The following KLHL1 variants were observed in gnomAD, a reference collection of about 807,000 sequenced individuals.
The protein encoded by KLHL1 is kelch-like protein 1.
KLHL1 carries 47 observed loss-of-function variants against 77.7 expected under a neutral mutation model. The observed-to-expected ratio is 0.60, with a 90% CI of 0.48 to 0.77. The LOEUF (loss-of-function observed/expected upper bound fraction) is 0.77, where lower values mean the gene tolerates loss of function less well. KLHL1 is among the 30% of genes least tolerant of loss of function. The pLI is 0.00. For missense variants in KLHL1, 925 were observed against 910.8 expected, an observed-to-expected ratio of 1.02 and a Z score of -0.20; for synonymous variants, 360 against 325.2, an observed-to-expected ratio of 1.11 and a Z score of -1.15.
intron 1 of KLHL1, among the ~76,000 whole-genome samples, chr13:69,978,895 C>A (rs1159373649): frequency 6.6e-6 from 1 of 151,546 alleles, no homozygotes; most frequent in Non-Finnish European, 1.5e-5. Flanking sequence ...GGTGGGTGTA[C>A]TATTAAAGAA....
chr13:69,830,534 C>T (rs1414311354), intron 6 of KLHL1, among the ~76,000 whole-genome samples: 4 of 149,850 alleles, frequency 2.7e-5, no homozygotes, highest in South Asian at 2.1e-4. Flanking sequence ...AGCACTAGAC[C>T]GTCATCAAGA....
rs2501219 is a variant in KLHL1 at position 69,952,011 on chromosome 13, T to C, written c.817+9297A>G. 6.5e-3 allele frequency among the ~76,000 whole-genome samples: 989 copies of C among 151,556 alleles called. 15 individuals carry two copies. Among genetic ancestry groups the C allele is most frequent in the African/African-American group, 0.023 (942 of 41,480 alleles). Reference sequence around the variant, plus strand: ...ATTATGTGACTGTTATTTCCCCTCTTGGATAGTGCACTTTGAAGCCATCTT... The same window carrying C: ...ATTATGTGACTGTTATTTCCCCTCTCGGATAGTGCACTTTGAAGCCATCTT... On this transcript the variant is annotated intron_variant, in intron 3 of 10. Coordinates refer to ENST00000377844, the MANE Select transcript of KLHL1 (RefSeq NM_020866.3).
chr13:69,903,528 A>T (rs1881942378), intron 4 of KLHL1, among the ~76,000 whole-genome samples: 1 of 148,650 alleles, frequency 6.7e-6, no homozygotes. Flanking sequence ...TCTAGAAAGC[A>T]CTTTCTTTTA....
At chr13:69,895,054 G>A (rs1881580984) in intron 4 of KLHL1, 13 of 494,544 alleles carry the variant, frequency 2.6e-5, no homozygotes, top group Middle Eastern at 7.7e-4. Flanking sequence ...TGATGTCAGA[G>A]TCTCCTTCAG....
At chr13:69,983,302 T>C (rs954603363) in intron 1 of KLHL1, among the ~76,000 whole-genome samples, 8 of 152,154 alleles carry the variant, frequency 5.3e-5, no homozygotes, top group Non-Finnish European at 1.0e-4. Context: ...ATAAAATCAC[T>C]ATCAAAATAC....
At chr13:69,842,295 G>C (rs879410117) in intron 5 of KLHL1, among the ~76,000 whole-genome samples, 11 of 151,652 alleles carry the variant, frequency 7.3e-5, no homozygotes, top group Non-Finnish European at 1.5e-4. Context: ...AATTATTTAT[G>C]CAAGAGAGGA....
rs770272210 is a variant in KLHL1 at position 69,961,384 on chromosome 13, T to G, written c.741A>C (p.Glu247Asp). 6.2e-7 allele frequency: 1 copy of G among 1,613,144 alleles called. No individual in the cohort carries two copies. Among genetic ancestry groups the G allele is most frequent in the Non-Finnish European group, 8.5e-7 (1 of 1,179,428 alleles). The change falls in exon 3 of 11, where the codon GAA (glutamate) becomes GAC (aspartate). Residue 247 changes from glutamate to aspartate, a missense_variant. Physicochemically the swap from Glu to Asp is conservative, Grantham distance 45. Transcript: ENST00000377844. ...CCATTTTGATCTCCTCTTGCTTGGCTTCACAAACATCACTTGTAAACATGG... is the reference window on the plus strand; with the variant it reads ...CCATTTTGATCTCCTCTTGCTTGGCGTCACAAACATCACTTGTAAACATGG... ...FAAMFTSDVC[E>D]AKQEEIKMEG...
intron 1 of KLHL1, among the ~76,000 whole-genome samples, chr13:69,992,249 T>TGCC (rs1435696940): frequency 4.6e-5 from 7 of 152,026 alleles, no homozygotes. Context: ...ATGTATTGAG[T>TGCC]GCCTACTCTC....
rs187139702 is a variant in KLHL1, at chr13:69,809,901, C to A, written c.1415-12939G>T. On this transcript the variant is annotated intron_variant, in intron 6 of 10. Transcript: ENST00000377844. ...AAAAAAAAAAAGCAGGATCACTATT[C>A]GTTTATCAGATAAAATAGAGTTTAA... Among the ~76,000 whole-genome samples, 239 of 151,440 alleles carry A rather than the reference C, an allele frequency of 1.6e-3. 2 individuals are homozygous for A. Among genetic ancestry groups the A allele is most frequent in the Non-Finnish European group, 1.0e-3 (70 of 67,844 alleles).
intron 7 of KLHL1, among the ~76,000 whole-genome samples, chr13:69,751,990 C>A (rs950306759): frequency 2.6e-5 from 4 of 152,088 alleles, no homozygotes; most frequent in African/African-American, 4.8e-5. Flanking sequence ...TACAACCTGG[C>A]AATGTGACCT....
At chr13:69,931,881 A>G (rs1354624037) in intron 4 of KLHL1, among the ~76,000 whole-genome samples, 1 of 151,798 alleles carries the variant, frequency 6.6e-6, no homozygotes, top group Non-Finnish European at 1.5e-5. Flanking sequence ...TTTAATCATC[A>G]TGGATGCATC....
rs1448207906 is a variant in KLHL1, at chr13:70,086,602, GAAAGAAAGAAAGAAAGAAAGAAAGA to G, written c.497+20576_497+20600del. Reference sequence around the variant, plus strand: ...AAAAAAAAAAAAAAAAAGAAAGAAAGAAAGAAAGAAAGAAAGAAAGAAAGAAAGAAAAAAGAAAAAGAAAACAAGA... The same window carrying G: ...AAAAAAAAAAAAAAAAAGAAAGAAAGAAGAAAAAAGAAAAAGAAAACAAGA... On this transcript the variant is annotated intron_variant, in intron 1 of 10. Coordinates refer to ENST00000377844, the MANE Select transcript of KLHL1 (RefSeq NM_020866.3). 2.5e-3 allele frequency among the ~76,000 whole-genome samples: 94 copies of G among 37,914 alleles called. 3 individuals are homozygous for G. Among genetic ancestry groups the G allele is most frequent in the African/African-American group, 7.7e-3 (85 of 11,096 alleles). The allele number at this position is 37,914 out of a possible 152,430, so 24.9% of individuals were successfully genotyped here.
rs144734196 is a variant in KLHL1, at chr13:69,720,556, A to C, written c.1803-975T>G. Among the ~76,000 whole-genome samples the C allele has an allele frequency of 7.8e-3, 1,181 of 152,214 alleles. 13 individuals are homozygous for C. Among genetic ancestry groups the C allele is most frequent in the African/African-American group, 0.027 (1,120 of 41,568 alleles). On this transcript the variant is annotated intron_variant, in intron 8 of 10. Coordinates refer to ENST00000377844, the MANE Select transcript of KLHL1 (RefSeq NM_020866.3). ...TCATTTACTACTGGGGAAGGTTCAA[A>C]GTGCAAGGGACATAGAATCCAGAAG...
At chr13:69,924,494 T>C (rs565715642) in intron 4 of KLHL1, among the ~76,000 whole-genome samples, 66 of 152,272 alleles carry the variant, frequency 4.3e-4, no homozygotes, top group African/African-American at 1.4e-3. Flanking sequence ...TGAACACTCA[T>C]TGGGACACCC....
chr13:70,066,417 A>G (rs1887006456), intron 1 of KLHL1, among the ~76,000 whole-genome samples: 1 of 152,218 alleles, frequency 6.6e-6, no homozygotes, highest in Non-Finnish European at 1.5e-5. Flanking sequence ...TGTAGAGTGC[A>G]AATAGAATAA....
intron 10 of KLHL1, 111 bp from the exon 11 acceptor site, chr13:69,701,872 C>G (rs1875411196): frequency 1.3e-6 from 1 of 762,892 alleles, no homozygotes; most frequent in African/African-American, 1.8e-5. Flanking sequence ...GCTTGTTTTC[C>G]CATTTTAGCC....
At chr13:69,979,789 T>C (rs1884656113) in intron 1 of KLHL1, among the ~76,000 whole-genome samples, 1 of 152,220 alleles carries the variant, frequency 6.6e-6, no homozygotes, top group Admixed American at 6.5e-5. Context: ...AAGACATGTT[T>C]AAGTCTTCTC....
chr13:69,956,137 GAT>G (rs1163862940), intron 3 of KLHL1, among the ~76,000 whole-genome samples: 8 of 134,770 alleles, frequency 5.9e-5, no homozygotes, highest in Admixed American at 5.4e-4. Context: ...TGATATATAT[GAT>G]ATATATATTT....
At chr13:69,756,732 G>A (rs1192983523) in intron 7 of KLHL1, among the ~76,000 whole-genome samples, 5 of 152,260 alleles carry the variant, frequency 3.3e-5, no homozygotes, top group South Asian at 2.1e-4. Flanking sequence ...CCTCTGTGGT[G>A]TTCTCCAGCA....
Sources: allele counts gnomAD v4.1 joint callset (sites outside exome capture counted in the v4.1 genomes callset), GRCh38; gene constraint gnomAD v4.1.1; transcripts MANE v1.5; gene names NCBI Gene and HGNC (gene_info 2026-07-23, HGNC 2026-07-21).